Variants in GNPTAB observed in about 807,000 individuals in gnomAD.
The protein encoded by GNPTAB is N-acetylglucosamine-1-phosphate transferase subunits alpha and beta.
In GNPTAB, 92 loss-of-function variants were observed where a neutral mutation model predicts 136.6. The observed-to-expected ratio is 0.67, with a 90% CI of 0.57 to 0.80. The LOEUF (loss-of-function observed/expected upper bound fraction) is 0.80, where lower values mean the gene tolerates loss of function less well. Among genes scored for constraint, GNPTAB ranks in the 30% least tolerant of loss-of-function variants. The pLI is 0.00. For synonymous variants in GNPTAB, 512 were observed against 535.1 expected (o/e 0.96, Z 0.60); for missense variants, 1,343 against 1,501.8 (o/e 0.89, Z 1.75).
At position 101,766,444 on chromosome 12, in the gene GNPTAB, C is replaced by T. The variant is rs952414362; in HGVS notation, c.1409-150G>A. On this transcript the variant is annotated intron_variant, in intron 11 of 20. Transcript: ENST00000299314. ...CCTGAGGTCAGGAGTTTGAGACCAG[C>T]CTGGCCAACATGGTAAAACCCCATC... 1.0e-5 allele frequency: 7 copies of T among 695,196 alleles called. No homozygotes were observed. The African/African-American group carries it at 1.2e-4, about 12-fold the overall frequency. 43.1% of individuals were successfully genotyped at this position (695,196 alleles called of 1,614,324 possible). A position where few individuals can be genotyped will look rare whatever the true frequency, so the allele number is the denominator to read the frequency against.
chr12:101,771,063 G>A lies in GNPTAB; in HGVS notation c.866C>T (p.Thr289Ile). 1 of 1,613,762 alleles carries A rather than the reference G, an allele frequency of 6.2e-7. No homozygotes were observed. ...ELNKQTKKNM[T>I]IDGKELTISP... ...TATGGTCAGTTCTTTTCCATCAATG[G>A]TCATGTTCTTCTTAGTTTGCTTATT... The change falls in exon 8 of 21, where the codon ACC becomes ATC. Residue 289 changes from threonine (T) to isoleucine (I), a missense_variant. By Grantham distance (89) the Thr-to-Ile change is moderately conservative (BLOSUM62 -1). Transcript: ENST00000299314.
chr12:101,814,023 G>A lies in GNPTAB; in HGVS notation c.117+16536C>T, dbSNP rs1050073465. On this transcript the variant is annotated intron_variant, in intron 1 of 20. Transcript: ENST00000299314. ...GAACCCGGGAGGCGGAGGTTGCAGT[G>A]AGCCGAGATCGCACCACTGCACTCC... Among the ~76,000 whole-genome samples the A allele has an allele frequency of 1.1e-4, 17 of 151,736 alleles. 1 individual carries two copies. The highest frequency in any genetic ancestry group is 3.1e-4 in the African/African-American group (13 of 41,278).
chr12:101,811,067 G>A (rs574540818), intron 1 of GNPTAB, among the ~76,000 whole-genome samples: 12 of 152,300 alleles, frequency 7.9e-5, no homozygotes, highest in African/African-American at 2.4e-4. Flanking sequence ...AACCAGGTTC[G>A]CTGGCTGGTC....
intron 1 of GNPTAB, among the ~76,000 whole-genome samples, chr12:101,815,871 T>C (rs1032670621): frequency 2.0e-5 from 3 of 152,238 alleles, no homozygotes; most frequent in South Asian, 2.1e-4. Flanking sequence ...TGGAAGAGAA[T>C]AGAGAATTCA....
Position 101,765,296 on chromosome 12 carries a change from GA to G in GNPTAB, c.1620del (p.His541MetfsTer6). The G allele has an allele frequency of 6.2e-7, 1 of 1,602,752 alleles. No homozygotes were observed. Among genetic ancestry groups the G allele is most frequent in the Non-Finnish European group, 8.5e-7 (1 of 1,170,006 alleles). Reference protein sequence around the residue: ...FDAGDCGQDHFHELYKVILLP... With the variant: ...FDAGDCGQDHXHELYKVILLP... ...AGAAGGATCACTTTATACAATTCAT[GA>G]AAATGATCTAGAGGAAAAAACAGAA... On this transcript the variant is annotated frameshift_variant, in exon 13 of 21. Transcript: ENST00000299314. LOFTEE classifies it high-confidence loss of function.
intron 5 of GNPTAB, among the ~76,000 whole-genome samples, chr12:101,782,334 A>G (rs998636129): frequency 3.3e-5 from 5 of 152,228 alleles, no homozygotes; most frequent in African/African-American, 1.2e-4. Flanking sequence ...GTTTTACTCA[A>G]CAGTGAGTTC....
chr12:101,765,718 A>C, intron 12 of GNPTAB: 1 of 336,272 alleles, frequency 3.0e-6, no homozygotes, highest in East Asian at 7.5e-5. Flanking sequence ...TTTGAAAAAA[A>C]CTTTCTGCCA....
At chr12:101,793,209 TA>T (rs1171817104) in intron 2 of GNPTAB, among the ~76,000 whole-genome samples, 3 of 151,566 alleles carry the variant, frequency 2.0e-5, no homozygotes, top group African/African-American at 4.8e-5. Flanking sequence ...CTTTCTCATT[TA>T]AAAAAAAATC....
intron 2 of GNPTAB, among the ~76,000 whole-genome samples, chr12:101,790,827 T>A (rs1311632230): frequency 6.6e-6 from 1 of 151,216 alleles, no homozygotes; most frequent in Non-Finnish European, 1.5e-5. Context: ...GTAGCCTTCT[T>A]GTGCCTTGCT....
chr12:101,819,193 G>A (rs969131798), intron 1 of GNPTAB, among the ~76,000 whole-genome samples: 4 of 151,928 alleles, frequency 2.6e-5, no homozygotes, highest in African/African-American at 9.7e-5. Flanking sequence ...TGTATTTTTG[G>A]TAGAGACAGG....
Position 101,830,647 on chromosome 12 carries a change from G to T in GNPTAB, c.29C>A (p.Thr10Asn), listed in dbSNP as rs759524153. 6.2e-7 allele frequency: 1 copy of T among 1,610,960 alleles called. No individual in the cohort carries two copies. MLFKLLQRQ[T>N]YTCLSHRYGL... The stretch of plus-strand genomic sequence containing the variant: ...ATACCTGTGGGACAGGCAGGTATAG[G>T]TCTGTCTCTGCAGGAGCTTGAACAG... The change falls in exon 1 of 21, where the codon ACC becomes AAC. Residue 10 changes from threonine (T) to asparagine (N), a missense_variant. By Grantham distance (65) the Thr-to-Asn change is moderately conservative. Coordinates refer to ENST00000299314, the MANE Select transcript of GNPTAB (RefSeq NM_024312.5).
chr12:101,810,195 C>T (rs1220854290), intron 1 of GNPTAB, among the ~76,000 whole-genome samples: 1 of 152,020 alleles, frequency 6.6e-6, no homozygotes, highest in Non-Finnish European at 1.5e-5. Flanking sequence ...CTGCAGTGAG[C>T]TGACTGTACA....
intron 2 of GNPTAB, chr12:101,796,201 G>A (rs939407178): frequency 1.3e-5 from 9 of 702,058 alleles, no homozygotes; most frequent in Middle Eastern, 2.3e-4. Context: ...AGAAACCGCT[G>A]TGTAGTAGCC....
At chr12:101,813,599 G>A (rs1019455592) in intron 1 of GNPTAB, among the ~76,000 whole-genome samples, 2 of 152,192 alleles carry the variant, frequency 1.3e-5, no homozygotes, top group Non-Finnish European at 2.9e-5. Context: ...GTATTTGCGT[G>A]ATAGAGATAC....
chr12:101,812,572 A>G (rs1401688335), intron 1 of GNPTAB, among the ~76,000 whole-genome samples: 1 of 151,456 alleles, frequency 6.6e-6, no homozygotes, highest in Non-Finnish European at 1.5e-5. Context: ...CTTGGGCAAC[A>G]TGGTGAGAAC....
chr12:101,765,399 TA>T (rs1288574253), intron 12 of GNPTAB, 95 bp from the exon 13 acceptor site: 50 of 861,452 alleles, frequency 5.8e-5, no homozygotes, highest in Non-Finnish European at 6.9e-5. Context: ...CACTTTCTTT[TA>T]AAAAAAATAA....
chr12:101,823,609 CAAAAA>C (rs5800490), intron 1 of GNPTAB, among the ~76,000 whole-genome samples: 1 of 91,346 alleles, frequency 1.1e-5, no homozygotes, highest in Non-Finnish European at 2.2e-5. Context: ...GACTCCGTCT[CAAAAA>C]AAAAAAAAAA....
intron 5 of GNPTAB, 118 bp downstream of exon 5, chr12:101,785,894 C>T: frequency 2.4e-6 from 2 of 822,654 alleles, no homozygotes; most frequent in Non-Finnish European, 3.9e-6. Context: ...TCTCTTTGTG[C>T]ATTTTTAGAA....
chr12:101,811,512 T>C (rs1870233354), intron 1 of GNPTAB, among the ~76,000 whole-genome samples: 2 of 152,084 alleles, frequency 1.3e-5, no homozygotes. Context: ...CTGCAGGATG[T>C]ACAGGAAGCG....
Sources: gnomAD v4.1 joint callset for allele counts (sites outside exome capture counted in the v4.1 genomes callset) on GRCh38, gnomAD v4.1.1 for gene constraint, MANE v1.5 for transcripts, NCBI Gene and HGNC (gene_info 2026-07-23, HGNC 2026-07-21) for gene names.